The following GLIS3 variants were observed in gnomAD, a reference collection of about 807,000 sequenced individuals.
GLIS3 encodes GLIS family zinc finger 3.
In GLIS3, 53 loss-of-function variants were observed where a neutral mutation model predicts 78.6. That is an observed-to-expected ratio of 0.67 (90% CI 0.54 to 0.85). GLIS3 has a LOEUF of 0.85. Ranked by LOEUF, GLIS3 falls within the 40% of genes least tolerant of loss-of-function variation. The pLI is 0.00. For missense variants in GLIS3, 1,703 were observed against 1,231.1 expected (o/e 1.38, Z -5.74); for synonymous variants, 684 against 509.9 (o/e 1.34, Z -4.60).
At chr9:4,081,385 T>C (rs1211384244) in intron 4 of GLIS3, 1 of 152,224 alleles carries the variant, frequency 6.6e-6, no homozygotes, top group African/African-American at 2.4e-5. Flanking sequence ...TTTCCCAGCC[T>C]CCCTTGCACC....
intron 4 of GLIS3, among the ~76,000 whole-genome samples, chr9:4,307,901 A>G (rs1346013480): frequency 6.6e-6 from 1 of 152,184 alleles, no homozygotes; most frequent in Non-Finnish European, 1.5e-5. Context: ...TCAGACTTCT[A>G]TCCTACAAAA....
intron 4 of GLIS3, among the ~76,000 whole-genome samples, chr9:3,983,575 G>C (rs1026143895): frequency 6.6e-6 from 1 of 152,212 alleles, no homozygotes; most frequent in Non-Finnish European, 1.5e-5. Flanking sequence ...AATGCTGAGA[G>C]TGGTGTGGAT....
Position 3,828,155 on chromosome 9 carries a change from C to T in GLIS3, c.*117G>A. 8.3e-7 allele frequency: 1 copy of T among 1,208,980 alleles called. No individual in the cohort carries two copies. The highest frequency in any genetic ancestry group is 2.4e-4 in the Middle Eastern group (1 of 4,094). The allele number at this position is 1,208,980 out of a possible 1,614,324, so 74.9% of individuals were successfully genotyped here. A position where few individuals can be genotyped will look rare whatever the true frequency, so the allele number is the denominator to read the frequency against. ...GCCTTCTGAAAGAACATCAGTAACT[C>T]TGCAGGGCCCGCTGATTGGGCTGAC... On this transcript the variant is annotated 3_prime_UTR_variant, in exon 11 of 11. Coordinates refer to ENST00000381971, the MANE Select transcript of GLIS3 (RefSeq NM_001042413.2).
upstream of GLIS3, among the ~76,000 whole-genome samples, chr9:4,304,639 C>G (rs1038508953): frequency 6.6e-6 from 1 of 152,188 alleles, no homozygotes; most frequent in Non-Finnish European, 1.5e-5. Flanking sequence ...TATTTAAAAA[C>G]TAGTGGAAAT....
At chr9:4,145,965 TG>T (rs1231507780) in intron 2 of GLIS3, among the ~76,000 whole-genome samples, 1 of 152,196 alleles carries the variant, frequency 6.6e-6, no homozygotes, top group Non-Finnish European at 1.5e-5. Context: ...AGTACAAATC[TG>T]AAAAGGCATG....
chr9:4,124,414 C>T (rs759058915), intron 3 of GLIS3, among the ~76,000 whole-genome samples: 6 of 152,172 alleles, frequency 3.9e-5, no homozygotes, highest in African/African-American at 1.4e-4. Context: ...TCAGTTTCAC[C>T]GTTAATTATA....
intron 4 of GLIS3, among the ~76,000 whole-genome samples, chr9:4,010,942 T>C (rs1821954765): frequency 6.6e-6 from 1 of 152,166 alleles, no homozygotes; most frequent in African/African-American, 2.4e-5. Flanking sequence ...TGCATGTGTA[T>C]GGATGTACTT....
At chr9:4,314,742 C>T (rs1490070812) in intron 2 of GLIS3, among the ~76,000 whole-genome samples, 7 of 152,218 alleles carry the variant, frequency 4.6e-5, no homozygotes, top group Non-Finnish European at 1.0e-4. Context: ...GTTTAGATTT[C>T]AGCTTTCTCA....
At chr9:4,224,188 C>G (rs1821566873) in intron 2 of GLIS3, among the ~76,000 whole-genome samples, 1 of 152,118 alleles carries the variant, frequency 6.6e-6, no homozygotes, top group Admixed American at 6.5e-5. Context: ...TAACCCTGAG[C>G]CTTCACTCAA....
the GLIS3 span, among the ~76,000 whole-genome samples, chr9:4,400,289 C>T: frequency 3.3e-5 from 5 of 152,110 alleles, no homozygotes; most frequent in Admixed American, 1.3e-4. Context: ...TGAAATAATA[C>T]GGACAAGAAA....
the GLIS3 span, among the ~76,000 whole-genome samples, chr9:4,422,938 T>C: frequency 2.0e-5 from 3 of 152,222 alleles, no homozygotes; most frequent in South Asian, 4.1e-4. Context: ...GTGGTCATTG[T>C]TGCCTTGCTA....
intron 8 of GLIS3, among the ~76,000 whole-genome samples, chr9:3,869,320 A>C (rs1055119820): frequency 6.6e-6 from 1 of 152,076 alleles, no homozygotes; most frequent in African/African-American, 2.4e-5. Context: ...TAAGATACCA[A>C]CATCGCTGAT....
chr9:3,944,248 G>A (rs528679435), intron 4 of GLIS3, among the ~76,000 whole-genome samples: 3 of 152,260 alleles, frequency 2.0e-5, no homozygotes, highest in East Asian at 1.9e-4. Flanking sequence ...TTATTTCTGT[G>A]GCAACATTTG....
rs1209054814 is a variant in GLIS3, at chr9:3,827,409, A to C, written c.*863T>G. 6.6e-6 allele frequency: 1 copy of C among 152,324 alleles called. No individual in the cohort carries two copies. Among genetic ancestry groups the C allele is most frequent in the Admixed American group, 6.5e-5 (1 of 15,296 alleles). 9.4% of individuals were successfully genotyped at this position (152,324 alleles called of 1,614,324 possible). On this transcript the variant is annotated 3_prime_UTR_variant, in exon 11 of 11. Transcript: ENST00000381971. ...ACACAGTCTTTGAGGTGGAGTTACT[A>C]AACAGTCAACTCAGGAAGGTTCCAG...
chr9:4,153,694 A>G (rs7854095), intron 2 of GLIS3, among the ~76,000 whole-genome samples: 38,084 of 152,202 alleles, frequency 0.25, 6,559 homozygotes, highest in African/African-American at 0.49. Flanking sequence ...AAATGAGTGG[A>G]TGAAAAGAGA....
At chr9:3,879,114 A>T (rs893645960) in intron 8 of GLIS3, among the ~76,000 whole-genome samples, 2 of 152,124 alleles carry the variant, frequency 1.3e-5, no homozygotes, top group African/African-American at 4.8e-5. Flanking sequence ...CTGCATATAC[A>T]TTACCTTAAA....
chr9:4,037,716 T>C (rs1200007697), intron 4 of GLIS3, among the ~76,000 whole-genome samples: 1 of 152,226 alleles, frequency 6.6e-6, no homozygotes, highest in Non-Finnish European at 1.5e-5. Flanking sequence ...GGAGTCACCA[T>C]TCTCTTGAAT....
chr9:4,212,251 C>T (rs1348871811), intron 2 of GLIS3, among the ~76,000 whole-genome samples: 1 of 152,140 alleles, frequency 6.6e-6, no homozygotes, highest in Non-Finnish European at 1.5e-5. Flanking sequence ...TCTCTTTTTC[C>T]CCAATGGCTG....
chr9:3,988,283 G>C (rs761837401), intron 4 of GLIS3, among the ~76,000 whole-genome samples: 2 of 152,146 alleles, frequency 1.3e-5, no homozygotes, highest in African/African-American at 2.4e-5. Context: ...ACTAAAGAAA[G>C]ATCTTCCAAC....
Sources: allele counts gnomAD v4.1 joint callset (sites outside exome capture counted in the v4.1 genomes callset), GRCh38; gene constraint gnomAD v4.1.1; transcripts MANE v1.5; gene names NCBI Gene and HGNC (gene_info 2026-07-23, HGNC 2026-07-21).